The following BRI3BP variants were observed in gnomAD, a reference collection of about 807,000 sequenced individuals.
The protein encoded by BRI3BP is BRI3-binding protein.
A neutral mutation model predicts 15.8 loss-of-function variants in BRI3BP; 7 were observed. The ratio of observed to expected loss-of-function variants is 0.44; its 90% CI spans 0.25 to 0.83. BRI3BP has a LOEUF of 0.83. Among genes scored for constraint, BRI3BP ranks in the 40% least tolerant of loss-of-function variants. The probability of loss-of-function intolerance (pLI) is 0.20; values close to 1 mark genes in which losing one functional copy is unlikely to be tolerated. For synonymous variants in BRI3BP, 192 were observed against 163.5 expected, an observed-to-expected ratio of 1.17 and a Z score of -1.33; for missense variants, 320 against 339.3, an observed-to-expected ratio of 0.94 and a Z score of 0.45.
the BRI3BP span, among the ~76,000 whole-genome samples, chr12:125,051,082 C>A: frequency 6.6e-6 from 1 of 152,204 alleles, no homozygotes. Context: ...CTGTTAGAAT[C>A]AAGACAGCAG....
chr12:125,036,396 AT>A, the BRI3BP span, among the ~76,000 whole-genome samples: 5 of 150,190 alleles, frequency 3.3e-5, no homozygotes, highest in South Asian at 2.1e-4. Context: ...TATTATTATT[AT>A]TTTTTTTTAG....
intron 1 of BRI3BP, among the ~76,000 whole-genome samples, chr12:125,009,472 TAG>T (rs1483362885): frequency 6.6e-6 from 1 of 151,908 alleles, no homozygotes; most frequent in East Asian, 1.9e-4. Flanking sequence ...GTGTTTTCAG[TAG>T]AGACAAGGTT....
At position 124,993,994 on chromosome 12, in the gene BRI3BP, C is replaced by A; in HGVS notation, c.204C>A (p.Ala68=). 7.4e-7 allele frequency: 1 copy of A among 1,348,094 alleles called. No homozygotes were observed. 83.5% of individuals were successfully genotyped at this position (1,348,094 alleles called of 1,614,324 possible). A position where few individuals can be genotyped will look rare whatever the true frequency, so the allele number is the denominator to read the frequency against. ...SSLFGEDNVR[A]AQKFLARLTE... ...TGTTCGGCGAGGACAACGTGCGCGCCGCTCAGAAGGTGGGCGCCGGGCCCG... is the reference window on the plus strand; with the variant it reads ...TGTTCGGCGAGGACAACGTGCGCGCAGCTCAGAAGGTGGGCGCCGGGCCCG... Residue 68 remains alanine, a synonymous_variant, in exon 1 of 3, where the codon GCC becomes GCA. Transcript: ENST00000341446.
At chr12:125,014,073 T>A (rs948902117) in intron 2 of BRI3BP, among the ~76,000 whole-genome samples, 1 of 152,102 alleles carries the variant, frequency 6.6e-6, no homozygotes, top group Non-Finnish European at 1.5e-5. Context: ...GGAGACCTTG[T>A]CCCTTACCGC....
At chr12:125,040,559 T>C in the BRI3BP span, among the ~76,000 whole-genome samples, 2 of 151,056 alleles carry the variant, frequency 1.3e-5, no homozygotes, top group Non-Finnish European at 2.9e-5. Context: ...GTCAGACTGG[T>C]CTTGCACCCC....
chr12:125,001,930 A>C (rs777918551), intron 1 of BRI3BP, among the ~76,000 whole-genome samples: 1 of 152,132 alleles, frequency 6.6e-6, no homozygotes, highest in Non-Finnish European at 1.5e-5. Context: ...AGCAACTGCC[A>C]ATCTGCTTTC....
At position 125,025,646 on chromosome 12, in the gene BRI3BP, T is replaced by C; in HGVS notation, c.*216T>C. The C allele has an allele frequency of 1.9e-6, 1 of 534,712 alleles. No homozygotes were observed. Among genetic ancestry groups the C allele is most frequent in the Admixed American group, 3.6e-5 (1 of 27,972 alleles). The allele number at this position is 534,712 out of a possible 1,614,324, so 33.1% of individuals were successfully genotyped here. A position where few individuals can be genotyped will look rare whatever the true frequency, so the allele number is the denominator to read the frequency against. On this transcript the variant is annotated 3_prime_UTR_variant, in exon 3 of 3. Coordinates refer to ENST00000341446, the MANE Select transcript of BRI3BP (RefSeq NM_080626.6). ...ACGTGGAACTACACACGAAGTGTAA[T>C]TAGTGGGGGAAAAAATATTTTTTAA...
intron 2 of BRI3BP, among the ~76,000 whole-genome samples, chr12:125,024,230 A>G (rs1955326035): frequency 2.0e-5 from 3 of 149,892 alleles, no homozygotes; most frequent in Non-Finnish European, 4.4e-5. Flanking sequence ...GGCAGCTGCC[A>G]AACACTTAAA....
rs1331283960 is a variant in BRI3BP, at chr12:125,025,275, A to C, written c.601A>C (p.Met201Leu). 6.2e-7 allele frequency: 1 copy of C among 1,613,992 alleles called. No individual in the cohort carries two copies. Among genetic ancestry groups the C allele is most frequent in the South Asian group, 1.1e-5 (1 of 91,084 alleles). The change falls in exon 3 of 3, where the codon ATG (methionine) becomes CTG (leucine). Residue 201 changes from methionine to leucine, a missense_variant. Transcript: ENST00000341446. ...VVAVYFMTGPMGFYWRSSPSG... is the reference protein window; with the variant it reads ...VVAVYFMTGPLGFYWRSSPSG... ...GGCCGTCTACTTCATGACCGGGCCC[A>C]TGGGCTTCTACTGGCGAAGCAGTCC...
At chr12:125,017,447 G>T (rs1955257818) in intron 2 of BRI3BP, among the ~76,000 whole-genome samples, 1 of 152,116 alleles carries the variant, frequency 6.6e-6, no homozygotes, top group South Asian at 2.1e-4. Context: ...GTGCCACCAT[G>T]CCCAGGTGAA....
At chr12:125,016,355 G>GT (rs55938703) in intron 2 of BRI3BP, among the ~76,000 whole-genome samples, 44,396 of 143,012 alleles carry the variant, frequency 0.31, 6,971 homozygotes, top group South Asian at 0.4. Context: ...TTTCTTCAGT[G>GT]TTTTTTTTTT....
intron 1 of BRI3BP, among the ~76,000 whole-genome samples, chr12:124,995,600 T>G (rs1311712732): frequency 6.6e-6 from 1 of 152,232 alleles, no homozygotes; most frequent in Non-Finnish European, 1.5e-5. Context: ...CTTCCTGGGC[T>G]AAACCGGGGT....
chr12:125,037,439 G>A, the BRI3BP span, among the ~76,000 whole-genome samples: 1 of 152,214 alleles, frequency 6.6e-6, no homozygotes, highest in Non-Finnish European at 1.5e-5. Flanking sequence ...TTTAGGCATA[G>A]CTATAGTAGA....
In BRI3BP at chr12:125,026,265, C is replaced by T. The variant is rs970564957; in HGVS notation, c.*835C>T. On this transcript the variant is annotated 3_prime_UTR_variant, in exon 3 of 3. Coordinates refer to ENST00000341446, the MANE Select transcript of BRI3BP (RefSeq NM_080626.6). ...GATTGCTCCAGAATCTACTGCATGT[C>T]CCAATTTGCAGTTTGCTCACTAGGG... 1 of 151,824 alleles carries T rather than the reference C, an allele frequency of 6.6e-6. No homozygotes were observed. The highest frequency in any genetic ancestry group is 1.5e-5 in the Non-Finnish European group (1 of 68,016). The allele number at this position is 151,824 out of a possible 1,614,324, so 9.4% of individuals were successfully genotyped here. A position where few individuals can be genotyped will look rare whatever the true frequency, so the allele number is the denominator to read the frequency against.
chr12:125,043,079 A>G, the BRI3BP span, among the ~76,000 whole-genome samples: 1 of 152,020 alleles, frequency 6.6e-6, no homozygotes, highest in Admixed American at 6.6e-5. Context: ...TAAAAAAAAA[A>G]ACACTTCACT....
the BRI3BP span, among the ~76,000 whole-genome samples, chr12:125,042,736 C>T: frequency 9.9e-5 from 15 of 152,042 alleles, no homozygotes; most frequent in Admixed American, 2.0e-4. Context: ...AGGGTTTCAC[C>T]GTGTTGGCCA....
At chr12:125,046,378 A>G in the BRI3BP span, among the ~76,000 whole-genome samples, 1 of 151,970 alleles carries the variant, frequency 6.6e-6, no homozygotes, top group Non-Finnish European at 1.5e-5. Flanking sequence ...ATATGGTGAA[A>G]CCCTGTCTCT....
intron 2 of BRI3BP, among the ~76,000 whole-genome samples, chr12:125,023,106 C>T (rs138305551): frequency 1.6e-3 from 248 of 152,286 alleles, no homozygotes; most frequent in African/African-American, 5.1e-3. Flanking sequence ...GATGGAACTT[C>T]GTGTGTGGGT....
the BRI3BP span, among the ~76,000 whole-genome samples, chr12:125,048,141 A>C: frequency 6.6e-6 from 1 of 152,076 alleles, no homozygotes; most frequent in East Asian, 1.9e-4. Context: ...TGAAAGACTA[A>C]ATTCCTACAA....
Sources: gnomAD v4.1 joint callset for allele counts (sites outside exome capture counted in the v4.1 genomes callset) on GRCh38, gnomAD v4.1.1 for gene constraint, MANE v1.5 for transcripts, NCBI Gene and HGNC (gene_info 2026-07-23, HGNC 2026-07-21) for gene names.